Variants in BMPR1B observed in about 807,000 individuals in gnomAD.
The protein encoded by BMPR1B is bone morphogenetic protein receptor type 1B.
Under a neutral mutation model 59.1 loss-of-function variants are expected in BMPR1B, and 12 were observed. The observed-to-expected ratio is 0.20, with a 90% CI of 0.13 to 0.33. The LOEUF (loss-of-function observed/expected upper bound fraction) is 0.33. BMPR1B is among the 10% of genes least tolerant of loss of function. The pLI, the probability that BMPR1B is intolerant of heterozygous loss-of-function variation, is 1.00. For synonymous variants in BMPR1B, 237 were observed against 207.3 expected (o/e 1.14, Z -1.23); for missense variants, 550 against 610.9 (o/e 0.90, Z 1.05).
intron 3 of BMPR1B, among the ~76,000 whole-genome samples, chr4:95,056,724 T>C (rs1579003228): frequency 1.3e-5 from 2 of 152,288 alleles, no homozygotes; most frequent in Non-Finnish European, 2.9e-5. Flanking sequence ...ATCAGCTGGC[T>C]CCTGACTCAT....
chr4:94,809,543 C>G (rs541216568), intron 1 of BMPR1B, among the ~76,000 whole-genome samples: 11 of 152,308 alleles, frequency 7.2e-5, no homozygotes, highest in African/African-American at 2.6e-4. Context: ...GTACACACAA[C>G]AAATACTCAC....
At chr4:94,817,338 G>A (rs990212193) in intron 1 of BMPR1B, among the ~76,000 whole-genome samples, 1 of 152,204 alleles carries the variant, frequency 6.6e-6, no homozygotes, top group Non-Finnish European at 1.5e-5. Context: ...TTAATTCTGA[G>A]AAGAATATGC....
chr4:94,849,523 T>C (rs550316667), intron 1 of BMPR1B, among the ~76,000 whole-genome samples: 1 of 152,200 alleles, frequency 6.6e-6, no homozygotes, highest in East Asian at 1.9e-4. Context: ...TTTGTTGTTG[T>C]TTTTGATTTT....
chr4:95,070,391 C>G (rs1396639349), intron 3 of BMPR1B, among the ~76,000 whole-genome samples: 1 of 152,126 alleles, frequency 6.6e-6, no homozygotes, highest in Non-Finnish European at 1.5e-5. Flanking sequence ...AGGTTTTTCA[C>G]TTTGGCAGCT....
At chr4:94,825,063 G>T (rs1056817960) in intron 1 of BMPR1B, among the ~76,000 whole-genome samples, 2 of 152,206 alleles carry the variant, frequency 1.3e-5, no homozygotes, top group African/African-American at 4.8e-5. Flanking sequence ...GATGCCAGAG[G>T]TGATTGATAC....
intron 3 of BMPR1B, among the ~76,000 whole-genome samples, chr4:95,047,221 T>C (rs957806649): frequency 2.0e-5 from 3 of 152,202 alleles, no homozygotes; most frequent in South Asian, 2.1e-4. Flanking sequence ...GCAACCAAGC[T>C]CCAAACTTTA....
intron 3 of BMPR1B, among the ~76,000 whole-genome samples, chr4:95,006,554 T>C (rs1722849568): frequency 6.6e-6 from 1 of 151,070 alleles, no homozygotes; most frequent in South Asian, 2.1e-4. Context: ...TTTTTTTTTT[T>C]TTTTTGAGAT....
chr4:95,046,442 T>C (rs1198094376), intron 3 of BMPR1B, among the ~76,000 whole-genome samples: 1 of 152,206 alleles, frequency 6.6e-6, no homozygotes, highest in Non-Finnish European at 1.5e-5. Context: ...CTGGGCACTG[T>C]ATTCAGTAGT....
At chr4:95,118,335 A>G (rs1447079948) in intron 6 of BMPR1B, among the ~76,000 whole-genome samples, 1 of 151,574 alleles carries the variant, frequency 6.6e-6, no homozygotes, top group Admixed American at 6.6e-5. Flanking sequence ...TTTTGACTCT[A>G]CCATATACAC....
At chr4:94,917,378 T>TC (rs1472705292) in intron 2 of BMPR1B, among the ~76,000 whole-genome samples, 1 of 152,158 alleles carries the variant, frequency 6.6e-6, no homozygotes, top group Non-Finnish European at 1.5e-5. Flanking sequence ...AGAGCAGCCA[T>TC]GGGGGCCGAA....
chr4:94,835,922 A>G (rs1161341032), intron 1 of BMPR1B, among the ~76,000 whole-genome samples: 1 of 59,252 alleles, frequency 1.7e-5, no homozygotes. Flanking sequence ...CCCCCACCCC[A>G]CAACAGTCCC....
intron 1 of BMPR1B, among the ~76,000 whole-genome samples, chr4:94,802,443 C>A (rs1287068660): frequency 3.9e-5 from 6 of 152,120 alleles, no homozygotes; most frequent in African/African-American, 1.2e-4. Context: ...TTAAAATTAT[C>A]TTTGTCCAGG....
intron 1 of BMPR1B, among the ~76,000 whole-genome samples, chr4:94,771,306 C>A (rs548091172): frequency 4.6e-4 from 70 of 152,248 alleles, no homozygotes; most frequent in African/African-American, 1.7e-3. Context: ...TAATGTAGGA[C>A]CCTCAGCTTC....
At position 94,873,754 on chromosome 4, in the gene BMPR1B, T is replaced by C. The variant is rs28455759; in HGVS notation, c.-182-2077T>C. 7.4e-3 allele frequency among the ~76,000 whole-genome samples: 1,122 copies of C among 152,310 alleles called. 17 individuals carry two copies. The highest frequency in any genetic ancestry group is 0.026 in the African/African-American group (1,074 of 41,568). On this transcript the variant is annotated intron_variant, in intron 1 of 12. Transcript: ENST00000515059. The stretch of plus-strand genomic sequence containing the variant: ...ATCTTCCTGTGTGTTATGTGTCTTA[T>C]TGCGTTTAAAAAAATTAATGTAAAA...
rs532249479 is a variant in BMPR1B, at chr4:94,776,691, G to A, written c.-183+18623G>A. 7.2e-5 allele frequency among the ~76,000 whole-genome samples: 11 copies of A among 152,242 alleles called. No individual in the cohort carries two copies. The South Asian group carries it at 1.9e-3, about 26-fold the overall frequency. ...TTAAACTGTGCTTATTAAAATGGTAGAAAACAAAACTTGTAATACCCCAGA... is the reference window on the plus strand; with the variant it reads ...TTAAACTGTGCTTATTAAAATGGTAAAAAACAAAACTTGTAATACCCCAGA... On this transcript the variant is annotated intron_variant, in intron 1 of 12. Transcript: ENST00000515059.
chr4:94,790,954 T>C (rs980436953), intron 1 of BMPR1B, among the ~76,000 whole-genome samples: 7 of 152,164 alleles, frequency 4.6e-5, no homozygotes, highest in Admixed American at 4.6e-4. Context: ...TTGTCAAGAA[T>C]AAATTTGAAA....
intron 2 of BMPR1B, among the ~76,000 whole-genome samples, chr4:94,927,364 A>G (rs921308499): frequency 1.3e-5 from 2 of 152,184 alleles, no homozygotes; most frequent in Non-Finnish European, 1.5e-5. Context: ...AAAATAAACA[A>G]TATTCAAAAT....
intron 2 of BMPR1B, among the ~76,000 whole-genome samples, chr4:94,942,282 G>A (rs905089703): frequency 6.6e-6 from 1 of 152,168 alleles, no homozygotes; most frequent in Non-Finnish European, 1.5e-5. Flanking sequence ...TATTAAAGTC[G>A]AGGAAAATAC....
At chr4:95,125,649 T>A (rs1258126845) in intron 8 of BMPR1B, among the ~76,000 whole-genome samples, 1 of 149,758 alleles carries the variant, frequency 6.7e-6, no homozygotes, top group African/African-American at 2.6e-5. Context: ...ATTACACTTA[T>A]TTTTTTCTAA....
Sources: gnomAD v4.1 joint callset for allele counts (sites outside exome capture counted in the v4.1 genomes callset) on GRCh38, gnomAD v4.1.1 for gene constraint, MANE v1.5 for transcripts, NCBI Gene and HGNC (gene_info 2026-07-23, HGNC 2026-07-21) for gene names.